NHS: variants seen among roughly 807,000 people sequenced by gnomAD.
NHS encodes the protein NHS actin remodeling regulator.
In NHS, 5 loss-of-function variants were observed where a neutral mutation model predicts 72.5. The observed-to-expected ratio is 0.07, with a 90% CI of 0.04 to 0.14. The LOEUF (loss-of-function observed/expected upper bound fraction) is 0.14, where lower values mean the gene tolerates loss of function less well. NHS is among the 10% of genes least tolerant of loss of function. NHS has a pLI of 1.00. For missense variants in NHS, 1,072 were observed against 1,355.7 expected (o/e 0.79, Z 3.29); for synonymous variants, 464 against 547.7 (o/e 0.85, Z 2.13).
chrX:17,677,297 C>T (rs1029697253), intron 1 of NHS, among the ~76,000 whole-genome samples: 5 of 112,054 alleles, frequency 4.5e-5, no homozygotes, highest in African/African-American at 1.6e-4. Flanking sequence ...TACATTTTGA[C>T]AAGAACAATT....
intron 1 of NHS, among the ~76,000 whole-genome samples, chrX:17,583,313 C>A (rs780830781): frequency 9.0e-6 from 1 of 111,504 alleles, no homozygotes; most frequent in African/African-American, 3.3e-5. Flanking sequence ...GGGAAGGATA[C>A]TGCAAATCCA....
At chrX:17,423,460 A>G (rs930218032) in intron 1 of NHS, among the ~76,000 whole-genome samples, 4 of 111,353 alleles carry the variant, frequency 3.6e-5, no homozygotes, top group Non-Finnish European at 7.5e-5. Context: ...TGAATTAATT[A>G]GAGACTTGGA....
chrX:17,530,349 A>G (rs1416799316), intron 1 of NHS, among the ~76,000 whole-genome samples: 1 of 111,209 alleles, frequency 9.0e-6, no homozygotes, highest in Non-Finnish European at 1.9e-5. Context: ...GGAGCATGAC[A>G]TTTCTCAGGT....
intron 1 of NHS, among the ~76,000 whole-genome samples, chrX:17,430,534 A>G (rs1201523173): frequency 1.8e-5 from 2 of 108,216 alleles, no homozygotes; most frequent in Admixed American, 2.0e-4. Context: ...CTTTATTAAG[A>G]TATAGTTCAC....
intron 1 of NHS, among the ~76,000 whole-genome samples, chrX:17,571,204 C>T (rs1234554609): frequency 1.8e-5 from 2 of 112,103 alleles, no homozygotes; most frequent in East Asian, 5.6e-4. Context: ...AGGGAGGATT[C>T]CCTCTTTTTC....
At chrX:17,507,550 C>T (rs755174844) in intron 1 of NHS, among the ~76,000 whole-genome samples, 3 of 112,143 alleles carry the variant, frequency 2.7e-5, no homozygotes, top group Admixed American at 9.5e-5. Flanking sequence ...GGGGATTCTC[C>T]GTGCTTCTTG....
chrX:17,731,831 T>C, intron 8 of NHS, 27 bp from the exon 9 acceptor site: 2 of 1,169,538 alleles, frequency 1.7e-6, no homozygotes, highest in African/African-American at 1.8e-5. Flanking sequence ...AGTGAGATGT[T>C]TGCCCCATTT....
intron 1 of NHS, among the ~76,000 whole-genome samples, chrX:17,466,254 A>G (rs1189204979): frequency 8.9e-6 from 1 of 112,762 alleles, no homozygotes; most frequent in Non-Finnish European, 1.9e-5. Context: ...TGGTTGGAAA[A>G]CAGATGGGGG....
rs34807039 is a variant in NHS at position 17,378,059 on chromosome X, C to CGTGTGTGTGTGTGTGTGT, written c.565+1747_565+1764dup. On this transcript the variant is annotated intron_variant, in intron 1 of 8. Transcript: ENST00000676302. ...ACTGTTGAGTGGTGCATACATTTCC[C>CGTGTGTGTGTGTGTGTGT]GTGTGTGTGTGTGTGTGTGTGTGTG... 4.3e-3 allele frequency among the ~76,000 whole-genome samples: 437 copies of CGTGTGTGTGTGTGTGTGT among 101,047 alleles called. 3 individuals are homozygous for CGTGTGTGTGTGTGTGTGT. Among genetic ancestry groups the CGTGTGTGTGTGTGTGTGT allele is most frequent in the African/African-American group, 0.012 (332 of 26,640 alleles). 87.7% of individuals were successfully genotyped at this position (101,047 alleles called of 115,157 possible).
At chrX:17,730,922 G>A (rs745430152) in intron 8 of NHS, among the ~76,000 whole-genome samples, 1 of 111,442 alleles carries the variant, frequency 9.0e-6, no homozygotes, top group East Asian at 2.8e-4. Context: ...GATACTTGCA[G>A]CCCAAGATGA....
chrX:17,461,561 G>C (rs1232538587), intron 1 of NHS, among the ~76,000 whole-genome samples: 1 of 112,991 alleles, frequency 8.9e-6, no homozygotes, highest in Non-Finnish European at 1.9e-5. Flanking sequence ...GGCCACAGAA[G>C]CCTGGCAGAC....
chrX:17,538,165 C>G (rs1468137697), intron 1 of NHS, among the ~76,000 whole-genome samples: 1 of 112,030 alleles, frequency 8.9e-6, no homozygotes, highest in Non-Finnish European at 1.9e-5. Context: ...TGTGCATTTC[C>G]TCATCTGCAG....
intron 3 of NHS, 103 bp from the exon 4 acceptor site, chrX:17,719,241 C>T (rs2066390899): frequency 1.5e-6 from 1 of 660,991 alleles, no homozygotes; most frequent in Non-Finnish European, 2.3e-6. Context: ...GGAAGTTATC[C>T]CAGTATATTA....
At chrX:17,531,321 C>T (rs1292415488) in intron 1 of NHS, among the ~76,000 whole-genome samples, 5 of 108,103 alleles carry the variant, frequency 4.6e-5, no homozygotes, top group Non-Finnish European at 9.6e-5. Context: ...AGATTGCAAG[C>T]TGGAAGTGGG....
chrX:17,698,232 A>G (rs1049486414), intron 3 of NHS, among the ~76,000 whole-genome samples: 2 of 111,995 alleles, frequency 1.8e-5, no homozygotes, highest in African/African-American at 6.5e-5. Flanking sequence ...AAAAAGAGAG[A>G]GAAAACACAA....
chrX:17,635,459 G>A (rs1156472134), intron 1 of NHS: 16 of 1,163,898 alleles, frequency 1.4e-5, no homozygotes, highest in African/African-American at 3.6e-5. Context: ...CATCCCCCCC[G>A]CCGTGCTTGC....
Position 17,375,966 on chromosome X carries a change from C to T in NHS, c.209C>T (p.Pro70Leu). The change falls in exon 1 of 9, where the codon CCG becomes CTG. Residue 70 changes from proline (P) to leucine (L), a missense_variant. Transcript: ENST00000676302. Reference protein sequence around the residue: ...AVPAPSGLPPPPPPLPAPADQ... With the variant: ...AVPAPSGLPPLPPPLPAPADQ... ...CCTGCACCTTCAGGGCTGCCACCGCCGCCGCCGCCACTGCCCGCGCCGGCC... is the reference window on the plus strand; with the variant it reads ...CCTGCACCTTCAGGGCTGCCACCGCTGCCGCCGCCACTGCCCGCGCCGGCC... The T allele has an allele frequency of 9.3e-7, 1 of 1,075,437 alleles. No individual in the cohort carries two copies. The highest frequency in any genetic ancestry group is 1.2e-6 in the Non-Finnish European group (1 of 832,294). 88.6% of individuals were successfully genotyped at this position (1,075,437 alleles called of 1,213,427 possible). A position where few individuals can be genotyped will look rare whatever the true frequency, so the allele number is the denominator to read the frequency against.
intron 1 of NHS, among the ~76,000 whole-genome samples, chrX:17,566,504 G>A (rs2065444349): frequency 9.0e-6 from 1 of 111,434 alleles, no homozygotes; most frequent in African/African-American, 3.3e-5. Flanking sequence ...AGCATCCCCA[G>A]CTCATAGCGC....
chrX:17,543,777 G>C (rs775087263), intron 1 of NHS, among the ~76,000 whole-genome samples: 2 of 111,750 alleles, frequency 1.8e-5, no homozygotes, highest in African/African-American at 6.5e-5. Flanking sequence ...CTTCTCTTCA[G>C]AGTTCGGGAT....
Sources: allele counts gnomAD v4.1 joint callset (sites outside exome capture counted in the v4.1 genomes callset), GRCh38; gene constraint gnomAD v4.1.1; transcripts MANE v1.5; gene names NCBI Gene and HGNC (gene_info 2026-07-23, HGNC 2026-07-21).